Variants in MARCHF2 observed in about 807,000 individuals in gnomAD.
The protein encoded by MARCHF2 is E3 ubiquitin-protein ligase MARCHF2.
In MARCHF2, 22 loss-of-function variants were observed where a neutral mutation model predicts 24.0. That is an observed-to-expected ratio of 0.92 (90% CI 0.66 to 1.31). MARCHF2 has a LOEUF of 1.31. MARCHF2 is among the 50% of genes most tolerant of loss of function. MARCHF2 has a pLI of 0.00. For synonymous variants in MARCHF2, 154 were observed against 153.0 expected (o/e 1.01, Z -0.05); for missense variants, 301 against 335.3 (o/e 0.90, Z 0.80).
chr19:8,426,919 C>A, intron 3 of MARCHF2, 115 bp downstream of exon 3: 1 of 888,856 alleles, frequency 1.1e-6, no homozygotes, highest in Non-Finnish European at 1.7e-6. Context: ...AACTCCCTAC[C>A]GCCCCTGTCC....
At chr19:8,420,416 G>A (rs1454673937) in intron 1 of MARCHF2, among the ~76,000 whole-genome samples, 1 of 142,432 alleles carries the variant, frequency 7.0e-6, no homozygotes, top group African/African-American at 2.6e-5. Flanking sequence ...CATGCCTGTA[G>A]TCCCAGCTAC....
chr19:8,417,455 G>A (rs1418699348), intron 1 of MARCHF2, among the ~76,000 whole-genome samples: 1 of 151,572 alleles, frequency 6.6e-6, no homozygotes, highest in African/African-American at 2.4e-5. Context: ...TTTTTTGGGC[G>A]GGGGGATGAA....
intron 1 of MARCHF2, among the ~76,000 whole-genome samples, chr19:8,415,745 A>AAC (rs1555692174): frequency 0.015 from 831 of 53,780 alleles, 83 homozygotes; most frequent in South Asian, 0.025. Context: ...CAAAAAAAAC[A>AAC]AAAAAAAAAA....
Position 8,437,756 on chromosome 19 carries a change from T to A in MARCHF2, c.583-632T>A, listed in dbSNP as rs112994394. 3.6e-3 allele frequency among the ~76,000 whole-genome samples: 544 copies of A among 150,086 alleles called. 3 individuals are homozygous for A. Among genetic ancestry groups the A allele is most frequent in the African/African-American group, 0.013 (510 of 40,718 alleles). On this transcript the variant is annotated intron_variant, in intron 4 of 4. Transcript: ENST00000215555. ...ATGTGACTGATTTACATTAAAAAAA[T>A]TTTTTTGAGACAGGGTCTCACTCTG...
chr19:8,426,546 G>A (rs1967406185), intron 2 of MARCHF2, 63 bp from the exon 3 acceptor site: 15 of 1,365,132 alleles, frequency 1.1e-5, no homozygotes, highest in South Asian at 4.9e-5. Context: ...GATCCAGTGG[G>A]TAGTGAAGCA....
At position 8,421,802 on chromosome 19, in the gene MARCHF2, T is replaced by C. The variant is rs1189647825; in HGVS notation, c.-39T>C. On this transcript the variant is annotated 5_prime_UTR_variant, in exon 2 of 5. An upstream start codon of the reference 5' UTR is lost. Coordinates refer to ENST00000215555, the MANE Select transcript of MARCHF2 (RefSeq NM_001005415.2). ...GCCTGTTCCCAGGCTCCTGGAACCA[T>C]GGGCCTCAGGCCCTGAGGATACGGG... 6.4e-7 allele frequency: 1 copy of C among 1,551,066 alleles called. No individual in the cohort carries two copies. The highest frequency in any genetic ancestry group is 2.3e-5 in the East Asian group (1 of 44,156).
intron 2 of MARCHF2, among the ~76,000 whole-genome samples, chr19:8,422,747 C>G (rs1420921048): frequency 7.5e-6 from 1 of 132,582 alleles, no homozygotes; most frequent in East Asian, 2.2e-4. Context: ...CTTTGTCACT[C>G]AGGCTGGAGT....
At chr19:8,428,282 T>C (rs11259978) in intron 3 of MARCHF2, among the ~76,000 whole-genome samples, 43,381 of 147,192 alleles carry the variant, frequency 0.29, 6,864 homozygotes, top group Middle Eastern at 0.38. Context: ...TAGCCAGGTA[T>C]GGTGGTGGGT....
chr19:8,430,621 GC>G lies in MARCHF2; in HGVS notation c.373-32del. On this transcript the variant is annotated intron_variant, in intron 3 of 4. Coordinates refer to ENST00000215555, the MANE Select transcript of MARCHF2 (RefSeq NM_001005415.2). The surrounding 1 kb of genome is among the most constrained non-coding windows in gnomAD (Gnocchi z 4.4). The stretch of plus-strand genomic sequence containing the variant: ...CCTCCCCCTCAGTAGCCCCTTCTCT[GC>G]CCCCTCTCCTCTGCCCCCTATCCTC... The G allele has an allele frequency of 1.3e-6, 2 of 1,567,792 alleles. No homozygotes were observed. Among genetic ancestry groups the G allele is most frequent in the Non-Finnish European group, 8.7e-7 (1 of 1,150,194 alleles).
chr19:8,426,721 T>C lies in MARCHF2; in HGVS notation c.289T>C (p.Trp97Arg). 1 of 1,613,348 alleles carries C rather than the reference T, an allele frequency of 6.2e-7. No individual in the cohort carries two copies. Residue 97 changes from tryptophan to arginine, a missense_variant, in exon 3 of 5, where the codon TGG (tryptophan) becomes CGG (arginine). By Grantham distance (101) the Trp-to-Arg change is moderately radical (BLOSUM62 -3). Transcript: ENST00000215555. ...CGTGCATAAGAGCTGTCTGGAGAAG[T>C]GGCTTTCCTCATCTAACACCAGCTA... ...GAVHKSCLEK[W>R]LSSSNTSYCE...
chr19:8,438,206 G>A (rs1169788578), intron 4 of MARCHF2, among the ~76,000 whole-genome samples, 182 bp from the exon 5 acceptor site: 1 of 152,196 alleles, frequency 6.6e-6, no homozygotes, highest in East Asian at 1.9e-4. Flanking sequence ...GCTGGTGGGT[G>A]TCACCAGGAG....
At chr19:8,416,118 C>A (rs141428049) in intron 1 of MARCHF2, among the ~76,000 whole-genome samples, 23 of 151,802 alleles carry the variant, frequency 1.5e-4, no homozygotes, top group Non-Finnish European at 2.9e-4. Flanking sequence ...CTGAGGTGGG[C>A]GGATCACGAG....
intron 2 of MARCHF2, among the ~76,000 whole-genome samples, chr19:8,424,594 G>T (rs1161084860): frequency 6.6e-6 from 1 of 152,000 alleles, no homozygotes; most frequent in African/African-American, 2.4e-5. Context: ...ATGAACCTGG[G>T]AGGTCGAGCT....
Position 8,430,633 on chromosome 19 carries a change from C to T in MARCHF2, c.373-25C>T. The T allele has an allele frequency of 1.3e-6, 2 of 1,599,128 alleles. No homozygotes were observed. The highest frequency in any genetic ancestry group is 4.5e-5 in the East Asian group (2 of 44,840). On this transcript the variant is annotated intron_variant, in intron 3 of 4. Transcript: ENST00000215555. The surrounding 1 kb of genome is among the most constrained non-coding windows in gnomAD (Gnocchi z 4.4). Reference sequence around the variant, plus strand: ...TAGCCCCTTCTCTGCCCCCTCTCCTCTGCCCCCTATCCTCTCCCCTGCAGT... The same window carrying T: ...TAGCCCCTTCTCTGCCCCCTCTCCTTTGCCCCCTATCCTCTCCCCTGCAGT...
chr19:8,420,472 G>T (rs1967205867), intron 1 of MARCHF2, among the ~76,000 whole-genome samples: 1 of 148,410 alleles, frequency 6.7e-6, no homozygotes, highest in Non-Finnish European at 1.5e-5. Flanking sequence ...GGAGGTGGAG[G>T]TTGCAGTGAG....
At position 8,421,918 on chromosome 19, in the gene MARCHF2, G is replaced by C; in HGVS notation, c.78G>C (p.Val26=). 1 of 1,613,864 alleles carries C rather than the reference G, an allele frequency of 6.2e-7. No individual in the cohort carries two copies. The highest frequency in any genetic ancestry group is 8.5e-7 in the Non-Finnish European group (1 of 1,179,930). The part of the protein sequence containing the change: ...CSGSPAFSKV[V]EATGLGPPQY... ...GCAGCCCTGCCTTCTCCAAGGTCGT[G>C]GAGGCTACGGGCCTCGGACCGCCCC... Residue 26 remains valine, a synonymous_variant, in exon 2 of 5, where the codon GTG becomes GTC. Transcript: ENST00000215555.
At chr19:8,420,740 T>C (rs1967215782) in intron 1 of MARCHF2, among the ~76,000 whole-genome samples, 1 of 152,012 alleles carries the variant, frequency 6.6e-6, no homozygotes, top group Non-Finnish European at 1.5e-5. Context: ...AGCCTCAAAC[T>C]CCTGGGCTCA....
In MARCHF2 at chr19:8,421,689, T is replaced by C. The variant is rs1568236163; in HGVS notation, c.-52-100T>C. On this transcript the variant is annotated intron_variant, in intron 1 of 4. Transcript: ENST00000215555. The stretch of plus-strand genomic sequence containing the variant: ...GCAAACTGAGGCTCAGAGATGTAAA[T>C]GGTCTAGTGGTCCCTACAGCCTTGA... 3 of 587,822 alleles carry C rather than the reference T, an allele frequency of 5.1e-6. No homozygotes were observed. In the East Asian group the frequency reaches 9.2e-5, roughly 18 times the overall value. 36.4% of individuals were successfully genotyped at this position (587,822 alleles called of 1,614,324 possible). A position where few individuals can be genotyped will look rare whatever the true frequency, so the allele number is the denominator to read the frequency against.
intron 1 of MARCHF2, among the ~76,000 whole-genome samples, chr19:8,417,000 T>A (rs572181960): frequency 3.9e-5 from 6 of 152,056 alleles, no homozygotes; most frequent in Non-Finnish European, 5.9e-5. Flanking sequence ...TCTTAATAGA[T>A]AGAAGCTGCT....
Sources: gnomAD v4.1 joint callset for allele counts (sites outside exome capture counted in the v4.1 genomes callset) on GRCh38, gnomAD v4.1.1 for gene constraint, Gnocchi (gnomAD v3.1) non-coding constraint, MANE v1.5 for transcripts, NCBI Gene and HGNC (gene_info 2026-07-23, HGNC 2026-07-21) for gene names.